Variants in HIVEP3 observed in about 807,000 individuals in gnomAD.
The protein encoded by HIVEP3 is transcription factor HIVEP3.
HIVEP3 carries 49 observed loss-of-function variants against 152.8 expected under a neutral mutation model. That is an observed-to-expected ratio of 0.32 (90% CI 0.26 to 0.41). The LOEUF is 0.41. Among genes scored for constraint, HIVEP3 ranks in the 10% least tolerant of loss-of-function variants. The probability of loss-of-function intolerance (pLI) is 1.00; values close to 1 mark genes in which losing one functional copy is unlikely to be tolerated. For synonymous variants in HIVEP3, 1,269 were observed against 1,289.0 expected, an observed-to-expected ratio of 0.98 and a Z score of 0.33; for missense variants, 2,790 against 3,103.3, an observed-to-expected ratio of 0.90 and a Z score of 2.40.
intron 1 of HIVEP3, among the ~76,000 whole-genome samples, chr1:41,735,947 C>A (rs903035793): frequency 3.3e-5 from 5 of 152,070 alleles, no homozygotes; most frequent in Non-Finnish European, 5.9e-5. Flanking sequence ...AAGGCAAGAA[C>A]ACTGAATCAG....
At chr1:41,807,495 A>G (rs1453433384) in intron 1 of HIVEP3, among the ~76,000 whole-genome samples, 1 of 152,200 alleles carries the variant, frequency 6.6e-6, no homozygotes, top group African/African-American at 2.4e-5. Flanking sequence ...ATTACAGGGC[A>G]GACACAGGAT....
At chr1:41,928,927 C>T (rs1268124862) in intron 1 of HIVEP3, among the ~76,000 whole-genome samples, 5 of 152,136 alleles carry the variant, frequency 3.3e-5, no homozygotes, top group African/African-American at 9.7e-5. Flanking sequence ...AGGAGGATTG[C>T]TTGAGCAACT....
At chr1:41,701,037 T>C (rs1271955366) in intron 1 of HIVEP3, 42 bp from the exon 2 acceptor site, 1 of 909,918 alleles carries the variant, frequency 1.1e-6, no homozygotes, top group East Asian at 1.2e-4. Context: ...GCCACCGCCA[T>C]CTGTCAACTT....
chr1:41,545,719 C>T (rs1569854733), intron 5 of HIVEP3, among the ~76,000 whole-genome samples: 4 of 81,678 alleles, frequency 4.9e-5, no homozygotes, highest in Non-Finnish European at 1.2e-4. Context: ...ACCACCACCA[C>T]CAATACCACT....
intron 2 of HIVEP3, among the ~76,000 whole-genome samples, chr1:41,684,619 A>G (rs1205464212): frequency 6.6e-6 from 1 of 152,242 alleles, no homozygotes; most frequent in African/African-American, 2.4e-5. Flanking sequence ...CTTGCTGGCC[A>G]TGGGTGCTTT....
intron 1 of HIVEP3, among the ~76,000 whole-genome samples, chr1:42,004,011 A>C (rs1340435839): frequency 6.6e-6 from 1 of 152,162 alleles, no homozygotes; most frequent in Non-Finnish European, 1.5e-5. Context: ...AAGGCATCTC[A>C]TGTTGTAGGT....
At chr1:41,818,000 G>C (rs1426385173) in intron 1 of HIVEP3, among the ~76,000 whole-genome samples, 4 of 152,248 alleles carry the variant, frequency 2.6e-5, no homozygotes, top group East Asian at 1.9e-4. Flanking sequence ...CAGCTCTACT[G>C]TCCAGTCAAG....
chr1:42,022,651 T>C (rs908638326), intron 1 of HIVEP3, among the ~76,000 whole-genome samples: 8 of 152,236 alleles, frequency 5.3e-5, no homozygotes, highest in Non-Finnish European at 1.2e-4. Context: ...CTACACTAAA[T>C]GCATATTTTT....
At chr1:42,025,768 T>A (rs954143726) in intron 1 of HIVEP3, among the ~76,000 whole-genome samples, 2 of 152,158 alleles carry the variant, frequency 1.3e-5, no homozygotes, top group African/African-American at 4.8e-5. Flanking sequence ...CATAAAACCA[T>A]CCTCAAATCT....
chr1:41,665,081 T>A (rs1645774063), intron 2 of HIVEP3, among the ~76,000 whole-genome samples: 1 of 152,172 alleles, frequency 6.6e-6, no homozygotes, highest in African/African-American at 2.4e-5. Flanking sequence ...CACAACCATC[T>A]GTCCCCACTT....
intron 7 of HIVEP3, among the ~76,000 whole-genome samples, chr1:41,516,255 T>C (rs1642603145): frequency 6.7e-6 from 1 of 148,736 alleles, no homozygotes; most frequent in African/African-American, 2.5e-5. Context: ...CGGGCGCCGC[T>C]GGGAGAGGCC....
At chr1:41,955,971 G>T (rs1434060765) in intron 1 of HIVEP3, among the ~76,000 whole-genome samples, 1 of 152,206 alleles carries the variant, frequency 6.6e-6, no homozygotes, top group African/African-American at 2.4e-5. Context: ...AGGCGAGCTG[G>T]GACCTCTCCT....
At chr1:41,981,389 T>C (rs1386507189) in intron 1 of HIVEP3, among the ~76,000 whole-genome samples, 2 of 152,070 alleles carry the variant, frequency 1.3e-5, no homozygotes, top group Non-Finnish European at 1.5e-5. Flanking sequence ...ACCCCATTTA[T>C]AGGGTCACAT....
chr1:42,012,230 G>A lies in HIVEP3; in HGVS notation n.119+23577C>T, dbSNP rs543841768. 3.9e-5 allele frequency among the ~76,000 whole-genome samples: 6 copies of A among 152,306 alleles called. No individual in the cohort carries two copies. In the East Asian group the frequency reaches 1.2e-3, roughly 29 times the overall value. On this transcript the variant is annotated intron_variant and non_coding_transcript_variant, in intron 1 of 3. Transcript: ENST00000489103. ...GATGTAGTACATTTCTTTAGACATA[G>A]ATGTCTCTTAAAATTGGGAGGTACC...
intron 2 of HIVEP3, among the ~76,000 whole-genome samples, chr1:41,642,302 C>T (rs1645386029): frequency 6.6e-6 from 1 of 152,256 alleles, no homozygotes; most frequent in Non-Finnish European, 1.5e-5. Flanking sequence ...ATATGCCAGG[C>T]TGCCTCGGCA....
chr1:41,813,584 C>T (rs1415376538), intron 1 of HIVEP3, among the ~76,000 whole-genome samples: 1 of 152,242 alleles, frequency 6.6e-6, no homozygotes, highest in African/African-American at 2.4e-5. Context: ...TGGAAATCTC[C>T]TCTTGGCTGC....
intron 1 of HIVEP3, among the ~76,000 whole-genome samples, chr1:41,991,255 AC>A (rs1205044265): frequency 7.9e-6 from 1 of 126,840 alleles, no homozygotes; most frequent in African/African-American, 2.5e-5. Flanking sequence ...CGCTAGCAAG[AC>A]TAATAAAGAA....
chr1:41,978,964 G>A (rs1485314644), intron 1 of HIVEP3, among the ~76,000 whole-genome samples: 1 of 152,144 alleles, frequency 6.6e-6, no homozygotes, highest in Non-Finnish European at 1.5e-5. Flanking sequence ...TTTTTAAACA[G>A]AGTCTGGGAT....
intron 1 of HIVEP3, among the ~76,000 whole-genome samples, chr1:41,845,419 GCACACACACACACACACA>G (rs3032007): frequency 7.3e-6 from 1 of 136,074 alleles, no homozygotes. Flanking sequence ...ACACACACAC[GCACACACACACACACACA>G]CACACACACA....
Sources: allele counts gnomAD v4.1 joint callset (sites outside exome capture counted in the v4.1 genomes callset), GRCh38; gene constraint gnomAD v4.1.1; transcripts MANE v1.5; gene names NCBI Gene and HGNC (gene_info 2026-07-23, HGNC 2026-07-21).